PTPRT: variants seen among roughly 807,000 people sequenced by gnomAD.
PTPRT encodes receptor-type tyrosine-protein phosphatase T.
A neutral mutation model predicts 176.8 loss-of-function variants in PTPRT; 56 were observed. The ratio of observed to expected loss-of-function variants is 0.32; its 90% CI spans 0.26 to 0.40. The LOEUF is 0.40. Ranked by LOEUF, PTPRT falls within the 10% of genes least tolerant of loss-of-function variation. The pLI, the probability that PTPRT is intolerant of heterozygous loss-of-function variation, is 1.00. For synonymous variants in PTPRT, 783 were observed against 739.0 expected (o/e 1.06, Z -0.96); for missense variants, 1,540 against 1,908.2 (o/e 0.81, Z 3.60).
chr20:42,828,189 A>C (rs1321719652), intron 2 of PTPRT, among the ~76,000 whole-genome samples: 2 of 152,218 alleles, frequency 1.3e-5, no homozygotes, highest in Admixed American at 6.5e-5. Flanking sequence ...AGATGGTCTC[A>C]GATGGAGATG....
chr20:42,627,219 TG>T (rs2074307962), intron 7 of PTPRT, among the ~76,000 whole-genome samples: 1 of 152,184 alleles, frequency 6.6e-6, no homozygotes, highest in South Asian at 2.1e-4. Flanking sequence ...ATGTTTATCA[TG>T]AAAAGTAGCA....
At position 42,380,161 on chromosome 20, in the gene PTPRT, A is replaced by G. The variant is rs1429932427; in HGVS notation, c.1561-27876T>C. Among the ~76,000 whole-genome samples the G allele has an allele frequency of 2.0e-5, 3 of 152,072 alleles. No homozygotes were observed. The East Asian group carries it at 5.8e-4, about 30-fold the overall frequency. The stretch of plus-strand genomic sequence containing the variant: ...TGCTACTGCAGGCTGATTTTTAAAA[A>G]CCTTGAACTTCAGTGTTGCCCTCTG... On this transcript the variant is annotated intron_variant, in intron 9 of 30. Coordinates refer to ENST00000373187, the MANE Select transcript of PTPRT (RefSeq NM_007050.6).
At chr20:42,115,920 C>A (rs529662688) in intron 21 of PTPRT, 1 of 639,434 alleles carries the variant, frequency 1.6e-6, no homozygotes, top group Admixed American at 2.5e-5. Context: ...AGGGAAGATG[C>A]GCAGTTCCTC....
intron 27 of PTPRT, among the ~76,000 whole-genome samples, chr20:42,091,238 G>C (rs1454876631): frequency 6.6e-6 from 1 of 152,206 alleles, no homozygotes; most frequent in Non-Finnish European, 1.5e-5. Flanking sequence ...CTCCATGGCT[G>C]TTTGGGCCAT....
At chr20:42,117,135 C>T (rs1368308523) in intron 21 of PTPRT, among the ~76,000 whole-genome samples, 1 of 152,120 alleles carries the variant, frequency 6.6e-6, no homozygotes, top group Non-Finnish European at 1.5e-5. Flanking sequence ...GAGTGATGGA[C>T]TAGATAAGGG....
chr20:43,002,696 A>C (rs562069394), intron 1 of PTPRT, among the ~76,000 whole-genome samples: 1 of 152,268 alleles, frequency 6.6e-6, no homozygotes, highest in African/African-American at 2.4e-5. Flanking sequence ...CCCAATACAT[A>C]TCAAAATACA....
chr20:42,573,019 C>T (rs938058402), intron 7 of PTPRT, among the ~76,000 whole-genome samples: 1 of 150,604 alleles, frequency 6.6e-6, no homozygotes, highest in Non-Finnish European at 1.5e-5. Context: ...AGAGCAGGAC[C>T]CATGTCTGTT....
chr20:42,885,424 T>C (rs1180718869), intron 2 of PTPRT, among the ~76,000 whole-genome samples: 2 of 150,936 alleles, frequency 1.3e-5, no homozygotes, highest in African/African-American at 2.4e-5. Flanking sequence ...GTCTGTACTG[T>C]TGAAGTTTCC....
intron 6 of PTPRT, among the ~76,000 whole-genome samples, chr20:42,716,409 C>T (rs1437344543): frequency 6.6e-6 from 1 of 152,148 alleles, no homozygotes; most frequent in Non-Finnish European, 1.5e-5. Flanking sequence ...CTCTCCAGCA[C>T]CTGTTGTTTC....
intron 11 of PTPRT, among the ~76,000 whole-genome samples, chr20:42,336,118 T>G (rs1441294418): frequency 1.3e-5 from 2 of 152,148 alleles, no homozygotes; most frequent in East Asian, 3.8e-4. Context: ...AATATAATAC[T>G]TACATATTAT....
chr20:42,401,252 C>T (rs1453700439), intron 9 of PTPRT, among the ~76,000 whole-genome samples: 2 of 152,022 alleles, frequency 1.3e-5, no homozygotes, highest in African/African-American at 4.8e-5. Context: ...ACTGATTTAT[C>T]CCCCTTTTCC....
At chr20:42,719,768 A>T (rs1229246037) in intron 6 of PTPRT, among the ~76,000 whole-genome samples, 1 of 152,210 alleles carries the variant, frequency 6.6e-6, no homozygotes, top group African/African-American at 2.4e-5. Context: ...TAGAGACCAA[A>T]CAGAAGAGCC....
intron 7 of PTPRT, among the ~76,000 whole-genome samples, chr20:42,563,369 T>C (rs770566810): frequency 5.3e-5 from 8 of 152,170 alleles, no homozygotes; most frequent in Non-Finnish European, 1.0e-4. Context: ...TTTCAGACAA[T>C]TGATGGTTTT....
At position 42,318,702 on chromosome 20, in the gene PTPRT, C is replaced by G. The variant is rs2057755946; in HGVS notation, c.1866-2706G>C. 3.3e-5 allele frequency among the ~76,000 whole-genome samples: 5 copies of G among 152,152 alleles called. No homozygotes were observed. In the South Asian group the frequency reaches 1.0e-3, roughly 32 times the overall value. On this transcript the variant is annotated intron_variant, in intron 11 of 30. Coordinates refer to ENST00000373187, the MANE Select transcript of PTPRT (RefSeq NM_007050.6). ...GGGAGTCCCTGCTTTCTTCTGAGGG[C>G]CAGCCTATCCCTAATCACCGCTTGA...
the PTPRT span, among the ~76,000 whole-genome samples, chr20:42,065,398 A>G: frequency 6.6e-6 from 1 of 152,234 alleles, no homozygotes; most frequent in East Asian, 1.9e-4. Flanking sequence ...CTGTTATTTA[A>G]TATGCTTGCT....
intron 16 of PTPRT, among the ~76,000 whole-genome samples, chr20:42,195,734 T>G (rs1025441772): frequency 6.6e-6 from 1 of 152,250 alleles, no homozygotes; most frequent in Non-Finnish European, 1.5e-5. Context: ...TACAGTCATA[T>G]ATGTATATTT....
At chr20:42,510,070 A>G (rs774952490) in intron 7 of PTPRT, among the ~76,000 whole-genome samples, 1 of 152,148 alleles carries the variant, frequency 6.6e-6, no homozygotes, top group Non-Finnish European at 1.5e-5. Flanking sequence ...TACATGGCAT[A>G]GTGCTGGGCA....
At chr20:43,019,138 T>G (rs1157793740) in intron 1 of PTPRT, among the ~76,000 whole-genome samples, 1 of 151,894 alleles carries the variant, frequency 6.6e-6, no homozygotes, top group African/African-American at 2.4e-5. Flanking sequence ...ATAAAAGGAG[T>G]GAAGTAAACC....
At chr20:43,139,773 T>C (rs1376863806) in intron 1 of PTPRT, among the ~76,000 whole-genome samples, 2 of 152,152 alleles carry the variant, frequency 1.3e-5, no homozygotes, top group Non-Finnish European at 2.9e-5. Flanking sequence ...GTGTTCCCAA[T>C]GGCTCTGCCA....
Sources: gnomAD v4.1 joint callset for allele counts (sites outside exome capture counted in the v4.1 genomes callset) on GRCh38, gnomAD v4.1.1 for gene constraint, MANE v1.5 for transcripts, NCBI Gene and HGNC (gene_info 2026-07-23, HGNC 2026-07-21) for gene names.